Variants in LHFPL3 observed in about 807,000 individuals in gnomAD.
LHFPL3 encodes the protein LHFPL tetraspan subfamily member 3.
In LHFPL3, 5 loss-of-function variants were observed where a neutral mutation model predicts 19.3. The observed-to-expected ratio is 0.26, with a 90% CI of 0.14 to 0.54. The LOEUF (loss-of-function observed/expected upper bound fraction) is 0.54, where lower values mean the gene tolerates loss of function less well. LHFPL3 is among the 20% of genes least tolerant of loss of function. The pLI, the probability that LHFPL3 is intolerant of heterozygous loss-of-function variation, is 0.94. For missense variants in LHFPL3, 249 were observed against 307.4 expected, an observed-to-expected ratio of 0.81 and a Z score of 1.42; for synonymous variants, 133 against 126.2, an observed-to-expected ratio of 1.05 and a Z score of -0.36.
At chr7:104,626,251 C>T (rs111929855) in intron 1 of LHFPL3, among the ~76,000 whole-genome samples, 47 of 152,298 alleles carry the variant, frequency 3.1e-4, no homozygotes, top group African/African-American at 1.1e-3. Flanking sequence ...CCCAAAGACA[C>T]TCCATGGCAG....
At chr7:104,726,927 G>A (rs961752932) in intron 1 of LHFPL3, among the ~76,000 whole-genome samples, 1 of 152,172 alleles carries the variant, frequency 6.6e-6, no homozygotes, top group Non-Finnish European at 1.5e-5. Context: ...TACAATGGTT[G>A]AACTAATTTA....
At chr7:104,512,834 G>C (rs916178644) in intron 1 of LHFPL3, among the ~76,000 whole-genome samples, 1 of 152,200 alleles carries the variant, frequency 6.6e-6, no homozygotes, top group African/African-American at 2.4e-5. Context: ...TTACCAGTGA[G>C]ATGATGCTTG....
At chr7:104,687,550 G>A (rs766951106) in intron 1 of LHFPL3, among the ~76,000 whole-genome samples, 24 of 152,160 alleles carry the variant, frequency 1.6e-4, no homozygotes, top group Non-Finnish European at 3.5e-4. Flanking sequence ...TTATTTAGGG[G>A]CCCTAGCCAC....
At chr7:104,366,725 T>C (rs185680709) in intron 1 of LHFPL3, among the ~76,000 whole-genome samples, 1 of 152,224 alleles carries the variant, frequency 6.6e-6, no homozygotes, top group African/African-American at 2.4e-5. Flanking sequence ...CTTGCCAGTA[T>C]GAATGCATTT....
chr7:104,727,698 T>C (rs2116268463), intron 1 of LHFPL3, among the ~76,000 whole-genome samples: 1 of 151,852 alleles, frequency 6.6e-6, no homozygotes, highest in Non-Finnish European at 1.5e-5. Flanking sequence ...TATTTAACAA[T>C]GGAACATTTA....
intron 1 of LHFPL3, among the ~76,000 whole-genome samples, chr7:104,542,230 T>C (rs995814421): frequency 4.6e-5 from 7 of 152,142 alleles, no homozygotes; most frequent in Admixed American, 4.6e-4. Flanking sequence ...TAAAAGTGTT[T>C]TCTGGCCCAT....
At chr7:104,886,135 G>C (rs77731414) in intron 2 of LHFPL3, among the ~76,000 whole-genome samples, 1 of 152,270 alleles carries the variant, frequency 6.6e-6, no homozygotes, top group East Asian at 1.9e-4. Flanking sequence ...ACATTTCACT[G>C]TAAGGTTTAT....
rs367973121 is a variant in LHFPL3 at position 104,531,066 on chromosome 7, G to A, written c.445+201842G>A. On this transcript the variant is annotated intron_variant, in intron 1 of 2. Transcript: ENST00000424859. The stretch of plus-strand genomic sequence containing the variant: ...TTGGAACAGGGCCTGGAATAGTTCC[G>A]TTGCAAAGGCTAAGTCAGCATCAAA... Among the ~76,000 whole-genome samples the A allele has an allele frequency of 9.9e-5, 15 of 152,280 alleles. No homozygotes were observed. In the South Asian group the frequency reaches 2.1e-3, roughly 21 times the overall value.
chr7:104,883,934 C>T (rs1417941936), intron 2 of LHFPL3, among the ~76,000 whole-genome samples: 1 of 152,092 alleles, frequency 6.6e-6, no homozygotes, highest in Admixed American at 6.6e-5. Context: ...TCCCTTTGAG[C>T]CCGCATAACC....
chr7:104,423,942 G>A (rs1180416493), intron 1 of LHFPL3, among the ~76,000 whole-genome samples: 1 of 152,222 alleles, frequency 6.6e-6, no homozygotes, highest in East Asian at 1.9e-4. Context: ...AGTCCAAAAG[G>A]TTTGCAGAGA....
rs1170369226 is a variant in LHFPL3 at position 104,328,744 on chromosome 7, AC to A, written c.-34del. The A allele has an allele frequency of 6.6e-7, 1 of 1,507,522 alleles. No individual in the cohort carries two copies. Among genetic ancestry groups the A allele is most frequent in the South Asian group, 1.2e-5 (1 of 83,632 alleles). 93.4% of individuals were successfully genotyped at this position (1,507,522 alleles called of 1,614,324 possible). The stretch of plus-strand genomic sequence containing the variant: ...GCTGAGAGGCGGGGGGAGGCGGAGG[AC>A]CAGGAGGAGGAGGAGGAGGAGGAGG... On this transcript the variant is annotated 5_prime_UTR_variant, in exon 1 of 3. Coordinates refer to ENST00000424859, the MANE Select transcript of LHFPL3 (RefSeq NM_199000.3). This position sits in a 1 kb window ranked among gnomAD's most constrained non-coding sequence, Gnocchi z 4.6.
chr7:104,796,487 A>G (rs968122643), intron 2 of LHFPL3: 1 of 152,212 alleles, frequency 6.6e-6, no homozygotes, highest in Non-Finnish European at 1.5e-5. Flanking sequence ...AAGAAAAGAA[A>G]TGCATGTGAT....
chr7:104,431,947 G>A (rs990770930), intron 1 of LHFPL3, among the ~76,000 whole-genome samples: 1 of 152,168 alleles, frequency 6.6e-6, no homozygotes, highest in African/African-American at 2.4e-5. Context: ...TGTCCAAGGG[G>A]CCAATGAACC....
rs111436491 is a variant in LHFPL3 at position 104,817,618 on chromosome 7, A to C, written c.682+80707A>C. Among the ~76,000 whole-genome samples the C allele has an allele frequency of 4.3e-3, 660 of 152,272 alleles. 9 individuals carry two copies. Among genetic ancestry groups the C allele is most frequent in the African/African-American group, 0.015 (632 of 41,542 alleles). On this transcript the variant is annotated intron_variant, in intron 2 of 2. Transcript: ENST00000424859. Reference sequence around the variant, plus strand: ...ACAAAAACAACATCTATGCTTCATCATAGAGCCCTGAGGCCCTCACATCCC... The same window carrying C: ...ACAAAAACAACATCTATGCTTCATCCTAGAGCCCTGAGGCCCTCACATCCC...
intron 2 of LHFPL3, among the ~76,000 whole-genome samples, chr7:104,903,364 T>G (rs924197684): frequency 2.6e-5 from 4 of 151,518 alleles, no homozygotes; most frequent in African/African-American, 7.3e-5. Context: ...CTTGAGAACC[T>G]CAAGAAAATG....
intron 1 of LHFPL3, among the ~76,000 whole-genome samples, chr7:104,370,725 A>G (rs1418998282): frequency 6.6e-6 from 1 of 152,146 alleles, no homozygotes; most frequent in African/African-American, 2.4e-5. Context: ...TACTAAAAAT[A>G]CAAAAAATTA....
chr7:104,766,028 C>A (rs1187445735), intron 2 of LHFPL3, among the ~76,000 whole-genome samples: 3 of 152,242 alleles, frequency 2.0e-5, no homozygotes, highest in African/African-American at 7.2e-5. Context: ...ATTTGCTAAA[C>A]CCTGCTGTAT....
chr7:104,804,521 T>C (rs975709714), intron 2 of LHFPL3, among the ~76,000 whole-genome samples: 3 of 152,198 alleles, frequency 2.0e-5, no homozygotes, highest in African/African-American at 4.8e-5. Flanking sequence ...TTTTAACCAA[T>C]AGAATATGTC....
chr7:104,562,269 G>T (rs1422217289), intron 1 of LHFPL3, among the ~76,000 whole-genome samples: 2 of 151,706 alleles, frequency 1.3e-5, no homozygotes, highest in African/African-American at 4.8e-5. Flanking sequence ...ATAATATCCT[G>T]CAGAGTGTTT....
Sources: allele counts gnomAD v4.1 joint callset (sites outside exome capture counted in the v4.1 genomes callset), GRCh38; gene constraint gnomAD v4.1.1; non-coding constraint Gnocchi (gnomAD v3.1); transcripts MANE v1.5; gene names NCBI Gene and HGNC (gene_info 2026-07-23, HGNC 2026-07-21).